Variants in RBM44 observed in about 807,000 individuals in gnomAD.
RBM44 encodes the protein RNA binding motif protein 44, also known as RNA-binding protein 44.
In RBM44, 66 loss-of-function variants were observed where a neutral mutation model predicts 105.1. The ratio of observed to expected loss-of-function variants is 0.63; its 90% confidence interval spans 0.52 to 0.77. RBM44 has a LOEUF of 0.77. Ranked by LOEUF, RBM44 falls within the 30% of genes least tolerant of loss-of-function variation. RBM44 has a pLI of 0.00. For missense variants in RBM44, 1,122 were observed against 1,207.8 expected, an observed-to-expected ratio of 0.93 and a Z score of 1.05; for synonymous variants, 365 against 417.6, an observed-to-expected ratio of 0.87 and a Z score of 1.54.
chr2:237,838,902 A>T (rs2061984123), intron 15 of RBM44, among the ~76,000 whole-genome samples: 1 of 152,230 alleles, frequency 6.6e-6, no homozygotes, highest in Admixed American at 6.5e-5. Context: ...TTAAAGACTC[A>T]GTGCCCAAGG....
intron 10 of RBM44, among the ~76,000 whole-genome samples, chr2:237,826,748 G>T (rs2061851801): frequency 6.6e-6 from 1 of 152,028 alleles, no homozygotes; most frequent in African/African-American, 2.4e-5. Context: ...AACATATACA[G>T]ACTTTTTGGG....
chr2:237,813,544 T>C, intron 1 of RBM44, 48 bp from the exon 2 acceptor site: 3 of 1,027,142 alleles, frequency 2.9e-6, no homozygotes, highest in South Asian at 3.0e-5. Flanking sequence ...AGTTGTCAAT[T>C]TATGCTTTTT....
chr2:237,824,508 A>T, intron 10 of RBM44, 89 bp downstream of exon 10: 2 of 1,019,722 alleles, frequency 2.0e-6, no homozygotes. Flanking sequence ...TGGGCAACTG[A>T]GTTGTTTTAA....
Position 237,833,904 on chromosome 2 carries a change from T to G in RBM44, c.2887-93T>G, listed in dbSNP as rs545418126. 548 of 636,152 alleles carry G rather than the reference T, an allele frequency of 8.6e-4. 1 individual carries two copies. The Middle Eastern group carries it at 0.019, about 22-fold the overall frequency. 39.4% of individuals were successfully genotyped at this position (636,152 alleles called of 1,614,324 possible). ...TTAAGGAATTTTTATTTTATTATTT[T>G]AATTTTCAAATATATTATTGTTGAA... On this transcript the variant is annotated intron_variant, in intron 13 of 15. Transcript: ENST00000316997.
rs774719664 is a variant in RBM44, at chr2:237,834,149, A to G, written c.3032+7A>G. ...TGCATCCAGAAGTCAGCAGGTAATAACCAAAATTATATTTTAACTGCTTTA... is the reference window on the plus strand; with the variant it reads ...TGCATCCAGAAGTCAGCAGGTAATAGCCAAAATTATATTTTAACTGCTTTA... On this transcript the variant is annotated splice_region_variant and intron_variant, in intron 14 of 15. Transcript: ENST00000316997. 7 of 1,553,666 alleles carry G rather than the reference A, an allele frequency of 4.5e-6. No homozygotes were observed. The African/African-American group carries it at 9.6e-5, about 21-fold the overall frequency.
chr2:237,808,091 CTA>C (rs1226819686), intron 1 of RBM44, among the ~76,000 whole-genome samples: 1 of 152,050 alleles, frequency 6.6e-6, no homozygotes, highest in Non-Finnish European at 1.5e-5. Context: ...TGCAAAATAA[CTA>C]TATTTACTGT....
Position 237,803,812 on chromosome 2 carries a change from T to C in RBM44, c.-19+4951T>C, listed in dbSNP as rs544122528. On this transcript the variant is annotated intron_variant, in intron 1 of 15. Transcript: ENST00000316997. The surrounding 1 kb of genome is among the most constrained non-coding windows in gnomAD (Gnocchi z 4.2). Reference sequence around the variant, plus strand: ...TGTGAGGTGTGGGTCCAGGCAATTTTTCCCTCTAGGTAAAAATCTAGATAG... The same window carrying C: ...TGTGAGGTGTGGGTCCAGGCAATTTCTCCCTCTAGGTAAAAATCTAGATAG... Among the ~76,000 whole-genome samples, 269 of 152,338 alleles carry C rather than the reference T, an allele frequency of 1.8e-3. 2 individuals are homozygous for C. Among genetic ancestry groups the C allele is most frequent in the African/African-American group, 6.1e-3 (254 of 41,574 alleles).
At chr2:237,804,184 T>C (rs546351331) in intron 1 of RBM44, among the ~76,000 whole-genome samples, 1 of 152,336 alleles carries the variant, frequency 6.6e-6, no homozygotes, top group East Asian at 1.9e-4. Context: ...CCACATTTTC[T>C]TTACCTGGTC....
At chr2:237,838,745 A>G (rs2061982611) in intron 15 of RBM44, among the ~76,000 whole-genome samples, 1 of 152,210 alleles carries the variant, frequency 6.6e-6, no homozygotes, top group Admixed American at 6.5e-5. Context: ...CAAAATATGA[A>G]GCAAAATCAG....
intron 10 of RBM44, among the ~76,000 whole-genome samples, chr2:237,826,332 G>A (rs1354023209): frequency 2.0e-5 from 3 of 151,874 alleles, no homozygotes; most frequent in African/African-American, 7.3e-5. Flanking sequence ...ATCCTTTTTG[G>A]TTTCAGGTTC....
chr2:237,824,229 G>A (rs1344147328), intron 9 of RBM44, 62 bp from the exon 10 acceptor site: 11 of 1,557,868 alleles, frequency 7.1e-6, no homozygotes, highest in African/African-American at 1.4e-5. Flanking sequence ...TGGTTTTAAG[G>A]TAACTTTTCA....
intron 1 of RBM44, among the ~76,000 whole-genome samples, chr2:237,807,510 AC>A (rs2061611036): frequency 6.6e-6 from 1 of 152,254 alleles, no homozygotes; most frequent in Admixed American, 6.5e-5. Flanking sequence ...ATAAGAAGTT[AC>A]CAGGTCACAA....
intron 9 of RBM44, 115 bp from the exon 10 acceptor site, chr2:237,824,176 T>C: frequency 1.2e-6 from 1 of 838,318 alleles, no homozygotes. Context: ...TCTTTAGATT[T>C]ATACATAAAA....
Position 237,817,054 on chromosome 2 carries a change from C to A in RBM44, c.135C>A (p.Val45=). The A allele has an allele frequency of 6.3e-7, 1 of 1,593,922 alleles. No individual in the cohort carries two copies. The change falls in exon 3 of 16, where the codon GTC becomes GTA. Residue 45 remains valine (V), a synonymous_variant. Transcript: ENST00000316997. ...TATCCTCCAATGGTTGTGATGAAGTCAAATTGACTTTTCCTGATGATGACT... is the reference window on the plus strand; with the variant it reads ...TATCCTCCAATGGTTGTGATGAAGTAAAATTGACTTTTCCTGATGATGACT... ...LLLSSNGCDE[V]KLTFPDDDWN...
intron 1 of RBM44, among the ~76,000 whole-genome samples, chr2:237,804,714 T>C (rs76217527): frequency 0.07 from 10,705 of 152,244 alleles, 545 homozygotes; most frequent in African/African-American, 0.14. Flanking sequence ...AGCAGATGCA[T>C]AGTTTGCAAA....
At chr2:237,821,848 A>G in intron 8 of RBM44, 21 bp downstream of exon 8, 3 of 1,448,144 alleles carry the variant, frequency 2.1e-6, no homozygotes, top group Non-Finnish European at 2.9e-6. Context: ...TTGAAAGTTC[A>G]TCAATGCAAA....
chr2:237,816,102 G>A (rs550054231), intron 2 of RBM44, among the ~76,000 whole-genome samples: 23 of 152,158 alleles, frequency 1.5e-4, no homozygotes, highest in Non-Finnish European at 2.2e-4. Context: ...TCTTTCACAC[G>A]GCTAATTGTA....
chr2:237,829,151 C>G (rs947400469), intron 12 of RBM44, 66 bp from the exon 13 acceptor site: 1 of 1,283,000 alleles, frequency 7.8e-7, no homozygotes, highest in African/African-American at 1.5e-5. Flanking sequence ...TCAGTAGTTG[C>G]AAAATTAAGT....
At chr2:237,816,918 G>C in intron 2 of RBM44, 75 bp from the exon 3 acceptor site, 1 of 912,278 alleles carries the variant, frequency 1.1e-6, no homozygotes, top group African/African-American at 1.7e-5. Context: ...GCTTAAACCA[G>C]ATCATGTCTA....
Sources: allele counts gnomAD v4.1 joint callset (sites outside exome capture counted in the v4.1 genomes callset), GRCh38; gene constraint gnomAD v4.1.1; non-coding constraint Gnocchi (gnomAD v3.1); transcripts MANE v1.5; gene names NCBI Gene and HGNC (gene_info 2026-07-23, HGNC 2026-07-21).